TMED3: variants seen among roughly 807,000 people sequenced by gnomAD.
TMED3 encodes transmembrane emp24 domain-containing protein 3.
In TMED3, 9 loss-of-function variants were observed where a neutral mutation model predicts 15.0. The ratio of observed to expected loss-of-function variants is 0.60; its 90% CI spans 0.36 to 1.04. The LOEUF (loss-of-function observed/expected upper bound fraction) is 1.04. Among genes scored for constraint, TMED3 ranks in the 50% least tolerant of loss-of-function variants. The pLI is 0.01. For missense variants in TMED3, 267 were observed against 278.9 expected (o/e 0.96, Z 0.30); for synonymous variants, 117 against 121.4 (o/e 0.96, Z 0.24).
chr15:79,392,886 G>T (rs535820044), intron 2 of TMED3, among the ~76,000 whole-genome samples: 2 of 152,292 alleles, frequency 1.3e-5, no homozygotes, highest in South Asian at 4.1e-4. Flanking sequence ...ACAAGAGTTG[G>T]TTCACTTCTG....
intron 2 of TMED3, among the ~76,000 whole-genome samples, chr15:79,338,805 G>C (rs974081772): frequency 6.6e-6 from 1 of 152,168 alleles, no homozygotes; most frequent in African/African-American, 2.4e-5. Context: ...TTGGTCTAAC[G>C]GTAATGCCAG....
intron 2 of TMED3, among the ~76,000 whole-genome samples, chr15:79,319,911 A>G (rs1423118400): frequency 1.3e-5 from 2 of 152,230 alleles, no homozygotes; most frequent in Non-Finnish European, 2.9e-5. Context: ...AGGATGGAAC[A>G]TGAAAGAAGA....
intron 2 of TMED3, among the ~76,000 whole-genome samples, chr15:79,398,241 G>A (rs1269094247): frequency 2.0e-5 from 3 of 151,914 alleles, no homozygotes; most frequent in African/African-American, 4.8e-5. Flanking sequence ...TACACAGTAC[G>A]TAGCCTTTTC....
intron 2 of TMED3, among the ~76,000 whole-genome samples, chr15:79,396,322 C>T (rs1324567891): frequency 6.6e-6 from 1 of 152,200 alleles, no homozygotes; most frequent in Non-Finnish European, 1.5e-5. Context: ...TTATAAAGGG[C>T]ACACGGAGAG....
intron 2 of TMED3, among the ~76,000 whole-genome samples, chr15:79,340,550 A>G (rs569234832): frequency 3.3e-5 from 5 of 152,324 alleles, no homozygotes; most frequent in Non-Finnish European, 7.4e-5. Context: ...AAATTTTGAG[A>G]TAATTCGTTA....
intron 2 of TMED3, among the ~76,000 whole-genome samples, chr15:79,379,155 G>T (rs1893477276): frequency 6.6e-6 from 1 of 152,062 alleles, no homozygotes; most frequent in Admixed American, 6.5e-5. Context: ...TTACTCACAG[G>T]CACCATATTT....
intron 2 of TMED3, among the ~76,000 whole-genome samples, chr15:79,372,748 G>A (rs905196003): frequency 6.6e-6 from 1 of 152,150 alleles, no homozygotes; most frequent in African/African-American, 2.4e-5. Context: ...TTCCTGATGG[G>A]ATTTCAGTGA....
At chr15:79,328,143 G>C (rs1370041958) in intron 2 of TMED3, among the ~76,000 whole-genome samples, 1 of 152,100 alleles carries the variant, frequency 6.6e-6, no homozygotes, top group Non-Finnish European at 1.5e-5. Context: ...GTTTAAAAAA[G>C]TCACCTTTCT....
chr15:79,393,796 A>G (rs1200175869), intron 2 of TMED3, among the ~76,000 whole-genome samples: 1 of 152,134 alleles, frequency 6.6e-6, no homozygotes, highest in African/African-American at 2.4e-5. Flanking sequence ...CCCGGGCTCA[A>G]GCCATACTCC....
chr15:79,372,949 GT>G (rs1211822206), intron 2 of TMED3, among the ~76,000 whole-genome samples: 3 of 152,102 alleles, frequency 2.0e-5, no homozygotes, highest in Non-Finnish European at 4.4e-5. Context: ...CTCCTTGTTT[GT>G]CTGATCAGCT....
chr15:79,412,820 G>A (rs1894007929), exon 3 of TMED3: 1 of 152,346 alleles, frequency 6.6e-6, no homozygotes, highest in Non-Finnish European at 1.5e-5. Context: ...CCATTGGAGT[G>A]TTGTGACCAG....
At chr15:79,311,716 G>A (rs2058715472) in intron 1 of TMED3, among the ~76,000 whole-genome samples, 1 of 152,172 alleles carries the variant, frequency 6.6e-6, no homozygotes, top group African/African-American at 2.4e-5. Flanking sequence ...GATATCCGCA[G>A]GCCCCCGAGA....
chr15:79,379,915 G>T (rs1893491333), intron 2 of TMED3, among the ~76,000 whole-genome samples: 1 of 152,178 alleles, frequency 6.6e-6, no homozygotes. Flanking sequence ...TGTGTTATGT[G>T]ATAGGTTTTA....
chr15:79,322,218 C>T lies in TMED3; in HGVS notation c.*4C>T, dbSNP rs370805716. ...CAGCAGGGCAGTCCACTCCTAGCCC[C>T]GGCATCCTGCTCTAGGGCCCCTCAT... On this transcript the variant is annotated 3_prime_UTR_variant, in exon 3 of 3. Coordinates refer to ENST00000299705, the MANE Select transcript of TMED3 (RefSeq NM_007364.4). 5.3e-5 allele frequency: 86 copies of T among 1,610,084 alleles called. No homozygotes were observed. In the African/African-American group the frequency reaches 8.4e-4, roughly 16 times the overall value.
chr15:79,313,757 G>A lies in TMED3; in HGVS notation c.169G>A (p.Val57Ile), dbSNP rs1285716058. 2.5e-6 allele frequency: 4 copies of A among 1,612,098 alleles called. No individual in the cohort carries two copies. Among genetic ancestry groups the A allele is most frequent in the East Asian group, 2.2e-5 (1 of 44,840 alleles). The change falls in exon 2 of 3, where the codon GTC becomes ATC. Residue 57 changes from valine (V) to isoleucine (I), a missense_variant and splice_region_variant. Coordinates refer to ENST00000299705, the MANE Select transcript of TMED3 (RefSeq NM_007364.4). ...ACAGCAATTTTTTTATGGTTGTCAG[G>A]TCATCACTGGAGGCCACTACGATGT... is the stretch of plus-strand genomic sequence containing the variant. Reference protein sequence around the residue: ...QGVKFSLDYQVITGGHYDVDC... With the variant: ...QGVKFSLDYQIITGGHYDVDC...
intron 2 of TMED3, among the ~76,000 whole-genome samples, chr15:79,382,380 C>G (rs1418738797): frequency 6.6e-6 from 1 of 152,224 alleles, no homozygotes; most frequent in Non-Finnish European, 1.5e-5. Flanking sequence ...TTCTGCCTCA[C>G]TGAAAAACAA....
chr15:79,396,627 C>T (rs987392369), intron 2 of TMED3, among the ~76,000 whole-genome samples: 2 of 152,192 alleles, frequency 1.3e-5, no homozygotes, highest in Non-Finnish European at 1.5e-5. Context: ...TATGATCTAG[C>T]TTTGGAAGTC....
At chr15:79,372,772 C>A (rs1461029774) in intron 2 of TMED3, among the ~76,000 whole-genome samples, 2 of 152,202 alleles carry the variant, frequency 1.3e-5, no homozygotes, top group Non-Finnish European at 1.5e-5. Flanking sequence ...CACAGCCAAA[C>A]CATATCACTC....
At chr15:79,335,126 C>T (rs1265961451) in intron 2 of TMED3, among the ~76,000 whole-genome samples, 2 of 151,974 alleles carry the variant, frequency 1.3e-5, no homozygotes, top group Non-Finnish European at 2.9e-5. Flanking sequence ...AATTGGTGTT[C>T]CTGAAGAAGA....
Sources: allele counts gnomAD v4.1 joint callset (sites outside exome capture counted in the v4.1 genomes callset), GRCh38; gene constraint gnomAD v4.1.1; transcripts MANE v1.5; gene names NCBI Gene and HGNC (gene_info 2026-07-23, HGNC 2026-07-21).